Variants in EYS observed in about 807,000 individuals in gnomAD.
EYS encodes protein eyes shut homolog.
EYS carries 250 observed loss-of-function variants against 282.1 expected under a neutral mutation model. The ratio of observed to expected loss-of-function variants is 0.89; its 90% CI spans 0.80 to 0.98. The LOEUF (loss-of-function observed/expected upper bound fraction) is 0.98, where lower values mean the gene tolerates loss of function less well. EYS is among the 50% of genes least tolerant of loss of function. The pLI, the probability that EYS is intolerant of heterozygous loss-of-function variation, is 0.00. For synonymous variants in EYS, 1,355 were observed against 1,282.9 expected (o/e 1.06, Z -1.20); for missense variants, 4,016 against 3,709.0 (o/e 1.08, Z -2.15).
At chr6:64,252,058 T>A (rs750734165) in intron 30 of EYS, among the ~76,000 whole-genome samples, 1 of 152,170 alleles carries the variant, frequency 6.6e-6, no homozygotes, top group African/African-American at 2.4e-5. Flanking sequence ...GAAGTCAGTA[T>A]AAATTATGAT....
At chr6:64,837,852 G>A (rs1003517557) in intron 19 of EYS, among the ~76,000 whole-genome samples, 2 of 151,178 alleles carry the variant, frequency 1.3e-5, no homozygotes, top group Admixed American at 6.6e-5. Context: ...GACTAGGAAG[G>A]GTGGGAGAGT....
chr6:63,906,912 A>T (rs1350582363), intron 35 of EYS, among the ~76,000 whole-genome samples: 1 of 151,886 alleles, frequency 6.6e-6, no homozygotes, highest in Non-Finnish European at 1.5e-5. Context: ...AAAAAAACCT[A>T]AAAAAAGGAC....
rs187825642 is a variant in EYS at position 65,233,898 on chromosome 6, T to C, written c.2023+61965A>G. Among the ~76,000 whole-genome samples the C allele has an allele frequency of 2.2e-3, 338 of 152,270 alleles. 2 individuals carry two copies. The highest frequency in any genetic ancestry group is 7.5e-3 in the African/African-American group (310 of 41,580). ...ATGTTTTCATTTTCATGCCTTGACC[T>C]GCTCAGATTGCTCCTGAGTGAGGGC... is the stretch of plus-strand genomic sequence containing the variant. On this transcript the variant is annotated intron_variant, in intron 12 of 42. Coordinates refer to ENST00000503581, the MANE Select transcript of EYS (RefSeq NM_001142800.2).
intron 15 of EYS, among the ~76,000 whole-genome samples, chr6:64,934,126 A>G (rs1317620447): frequency 1.3e-5 from 2 of 151,802 alleles, no homozygotes; most frequent in Non-Finnish European, 2.9e-5. Flanking sequence ...CCCAGAACTT[A>G]AAGTATATTA....
chr6:64,423,921 C>T (rs543245277), intron 28 of EYS, among the ~76,000 whole-genome samples: 54 of 152,246 alleles, frequency 3.5e-4, no homozygotes, highest in African/African-American at 1.2e-3. Flanking sequence ...AATATGAACA[C>T]AATCACTTTT....
At chr6:64,401,653 T>C (rs1385021988) in intron 28 of EYS, among the ~76,000 whole-genome samples, 1 of 152,000 alleles carries the variant, frequency 6.6e-6, no homozygotes, top group Non-Finnish European at 1.5e-5. Context: ...ATATAAAATA[T>C]ATTCATTAGC....
intron 22 of EYS, among the ~76,000 whole-genome samples, chr6:64,720,382 T>C (rs1771539004): frequency 6.6e-6 from 1 of 152,224 alleles, no homozygotes; most frequent in South Asian, 2.1e-4. Flanking sequence ...ATCCTTAACT[T>C]AATCCTTAAG....
chr6:63,829,065 C>A (rs1771552777), intron 36 of EYS, among the ~76,000 whole-genome samples: 1 of 152,222 alleles, frequency 6.6e-6, no homozygotes, highest in Non-Finnish European at 1.5e-5. Flanking sequence ...ATCGCAAAAT[C>A]ATGGAACCAA....
intron 22 of EYS, among the ~76,000 whole-genome samples, chr6:64,637,978 A>G (rs142463989): frequency 0.021 from 1,926 of 90,366 alleles, 724 homozygotes; most frequent in African/African-American, 0.077. Context: ...CCTTTTAAAA[A>G]AAAGAGAATG....
At chr6:64,979,067 T>C (rs1770567358) in intron 14 of EYS, among the ~76,000 whole-genome samples, 1 of 151,866 alleles carries the variant, frequency 6.6e-6, no homozygotes, top group South Asian at 2.1e-4. Flanking sequence ...TACTTCAACT[T>C]AAAACAAGTT....
At chr6:64,914,378 T>C (rs1768099390) in intron 15 of EYS, among the ~76,000 whole-genome samples, 1 of 152,084 alleles carries the variant, frequency 6.6e-6, no homozygotes. Context: ...AGAACAATTA[T>C]TTTCAAAAAG....
intron 1 of EYS, among the ~76,000 whole-genome samples, chr6:65,677,002 T>C (rs570936157): frequency 6.8e-6 from 1 of 146,810 alleles, no homozygotes; most frequent in Admixed American, 7.0e-5. Context: ...AACTCAGCAC[T>C]GATTATGATT....
At chr6:64,734,885 T>G (rs1772131798) in intron 22 of EYS, among the ~76,000 whole-genome samples, 1 of 152,200 alleles carries the variant, frequency 6.6e-6, no homozygotes, top group African/African-American at 2.4e-5. Context: ...AACTATGATT[T>G]CAGAACAATA....
At chr6:65,571,331 G>A (rs2127352670) in intron 2 of EYS, among the ~76,000 whole-genome samples, 1 of 152,034 alleles carries the variant, frequency 6.6e-6, no homozygotes, top group South Asian at 2.1e-4. Flanking sequence ...AAACCAAGGT[G>A]AACAAGAATA....
Position 64,590,891 on chromosome 6 carries a change from A to C in EYS, c.4976T>G (p.Leu1659Ter). The C allele has an allele frequency of 2.6e-6, 4 of 1,550,600 alleles. No individual in the cohort carries two copies. Among genetic ancestry groups the C allele is most frequent in the Non-Finnish European group, 3.5e-6 (4 of 1,146,636 alleles). Reference sequence around the variant, plus strand: ...GGATAAACAAGTCTTATCCAAACATAAATTAACATCCAAATTACTTGATAG... The same window carrying C: ...GGATAAACAAGTCTTATCCAAACATCAATTAACATCCAAATTACTTGATAG... ...ITLSSNLDVN[L>*]CLDKTCLSIV... The change falls in exon 26 of 43, where the codon TTA becomes TGA. Residue 1659 changes from leucine to a stop codon, truncating the protein, a stop_gained. Transcript: ENST00000503581. LOFTEE classifies it high-confidence loss of function.
rs191807869 is a variant in EYS at position 65,508,920 on chromosome 6, C to T, written c.-332-12927G>A. ...CATTCTCAGATCTTTACAGTGAGAA[C>T]GTGGAGAAAAATCCTGGAGGAAAAG... On this transcript the variant is annotated intron_variant, in intron 2 of 42. Coordinates refer to ENST00000503581, the MANE Select transcript of EYS (RefSeq NM_001142800.2). Among the ~76,000 whole-genome samples the T allele has an allele frequency of 2.7e-3, 417 of 152,156 alleles. 2 individuals carry two copies. The highest frequency in any genetic ancestry group is 9.6e-3 in the African/African-American group (399 of 41,536).
chr6:65,317,861 T>C lies in EYS; in HGVS notation c.1766+17119A>G, dbSNP rs370481194. On this transcript the variant is annotated intron_variant, in intron 11 of 42. Transcript: ENST00000503581. ...TTCTTTCTTTCTTTCTTTCTTTCTTTCTTTCTTTCTTTCTTTCTTTCTTTC... is the reference window on the plus strand; with the variant it reads ...TTCTTTCTTTCTTTCTTTCTTTCTTCCTTTCTTTCTTTCTTTCTTTCTTTC... 6.6e-3 allele frequency among the ~76,000 whole-genome samples: 364 copies of C among 55,106 alleles called. 2 individuals carry two copies. The highest frequency in any genetic ancestry group is 0.013 in the South Asian group (26 of 2,062). 36.2% of individuals were successfully genotyped at this position (55,106 alleles called of 152,430 possible).
intron 22 of EYS, among the ~76,000 whole-genome samples, chr6:64,720,944 T>C (rs1476795371): frequency 6.6e-6 from 1 of 152,236 alleles, no homozygotes; most frequent in Non-Finnish European, 1.5e-5. Flanking sequence ...TGCCATATTA[T>C]TAAGCATGTT....
intron 29 of EYS, among the ~76,000 whole-genome samples, chr6:64,382,917 T>C (rs2150420934): frequency 6.6e-6 from 1 of 152,240 alleles, no homozygotes; most frequent in South Asian, 2.1e-4. Flanking sequence ...AGAGGTTTCC[T>C]TCTGTTGGGT....
Sources: gnomAD v4.1 joint callset for allele counts (sites outside exome capture counted in the v4.1 genomes callset) on GRCh38, gnomAD v4.1.1 for gene constraint, MANE v1.5 for transcripts, NCBI Gene and HGNC (gene_info 2026-07-23, HGNC 2026-07-21) for gene names.